The following LIFR variants were observed in gnomAD, a reference collection of about 807,000 sequenced individuals.
The protein encoded by LIFR is LIF receptor subunit alpha, also known as leukemia inhibitory factor receptor.
LIFR carries 84 observed loss-of-function variants against 122.2 expected under a neutral mutation model. The observed-to-expected ratio is 0.69, with a 90% CI of 0.58 to 0.82. The LOEUF (loss-of-function observed/expected upper bound fraction) is 0.82, where lower values mean the gene tolerates loss of function less well. LIFR is among the 40% of genes least tolerant of loss of function. The pLI is 0.00. For missense variants in LIFR, 1,294 were observed against 1,311.6 expected (o/e 0.99, Z 0.21); for synonymous variants, 422 against 434.7 (o/e 0.97, Z 0.36).
intron 1 of LIFR, among the ~76,000 whole-genome samples, chr5:38,544,184 A>C (rs1018100236): frequency 6.6e-6 from 1 of 152,092 alleles, no homozygotes; most frequent in African/African-American, 2.4e-5. Context: ...GAGCCTCTGA[A>C]GTGGTCCTCT....
At chr5:38,489,616 T>C (rs1744465843) in intron 15 of LIFR, among the ~76,000 whole-genome samples, 1 of 152,182 alleles carries the variant, frequency 6.6e-6, no homozygotes, top group Non-Finnish European at 1.5e-5. Flanking sequence ...AAGTACTAAT[T>C]AAATATTTTT....
intron 1 of LIFR, among the ~76,000 whole-genome samples, chr5:38,548,322 A>T (rs1161504561): frequency 6.6e-6 from 1 of 152,238 alleles, no homozygotes; most frequent in Non-Finnish European, 1.5e-5. Flanking sequence ...GAAATAACCT[A>T]GTATGTTCCT....
intron 1 of LIFR, among the ~76,000 whole-genome samples, chr5:38,553,668 A>ATATATT (rs1748360076): frequency 8.9e-6 from 1 of 111,766 alleles, no homozygotes; most frequent in Non-Finnish European, 1.8e-5. Context: ...ATATATATAT[A>ATATATT]TATATTATAT....
At chr5:38,504,213 G>T in intron 9 of LIFR, 92 bp from the exon 10 acceptor site, 1 of 923,892 alleles carries the variant, frequency 1.1e-6, no homozygotes. Context: ...AAAAAACAAC[G>T]AGGCATCATT....
At chr5:38,559,740 A>G (rs1052249564), upstream of LIFR, among the ~76,000 whole-genome samples, 7 of 152,244 alleles carry the variant, frequency 4.6e-5, no homozygotes, top group Non-Finnish European at 8.8e-5. Flanking sequence ...ATTGAATGGG[A>G]CTGAAGTAGC....
At position 38,510,640 on chromosome 5, in the gene LIFR, A is replaced by T. The variant is rs536077939; in HGVS notation, c.815T>A (p.Val272Glu). ...TGCTGATAACACTTTTTCTTGACTC[A>T]CACAACAAAATGTTATGTCTGAGCC... is the stretch of plus-strand genomic sequence containing the variant. ...LVGSDITFCCVSQEKVLSALI... is the reference protein window; with the variant it reads ...LVGSDITFCCESQEKVLSALI... The change falls in exon 7 of 20, where the codon GTG (valine) becomes GAG (glutamate). Residue 272 changes from valine to glutamate, a missense_variant. Coordinates refer to ENST00000453190, the MANE Select transcript of LIFR (RefSeq NM_001127671.2). 6.2e-7 allele frequency: 1 copy of T among 1,614,024 alleles called. No individual in the cohort carries two copies. Among genetic ancestry groups the T allele is most frequent in the African/African-American group, 1.3e-5 (1 of 75,046 alleles).
chr5:38,495,317 A>G (rs1744820189), intron 13 of LIFR, among the ~76,000 whole-genome samples: 1 of 152,202 alleles, frequency 6.6e-6, no homozygotes, highest in Non-Finnish European at 1.5e-5. Flanking sequence ...TCAGTATGTT[A>G]TCTTCTTATG....
intron 2 of LIFR, among the ~76,000 whole-genome samples, chr5:38,603,587 C>T (rs186762541): frequency 9.9e-5 from 15 of 152,254 alleles, no homozygotes; most frequent in African/African-American, 2.9e-4. Flanking sequence ...GGTAGAGATG[C>T]GCCCAGACAA....
chr5:38,482,161 C>T lies in LIFR; in HGVS notation c.2728G>A (p.Val910Ile). Residue 910 changes from valine to isoleucine, a missense_variant, in exon 20 of 20, where the codon GTT becomes ATT. Physicochemically the swap from Val to Ile is conservative, Grantham distance 29 (BLOSUM62 3). Transcript: ENST00000453190. ...GGAAATGCTGATCGAGTTTCCAGAA[C>T]CTCAACATTATTTGGGGTACAAGGA... ...MNPCTPNNVEVLETRSAFPKI... is the reference protein window; with the variant it reads ...MNPCTPNNVEILETRSAFPKI... The T allele has an allele frequency of 6.3e-7, 1 of 1,587,306 alleles. No individual in the cohort carries two copies. The highest frequency in any genetic ancestry group is 8.5e-7 in the Non-Finnish European group (1 of 1,172,422).
At chr5:38,583,458 A>G (rs775440546) in intron 1 of LIFR, among the ~76,000 whole-genome samples, 3 of 152,180 alleles carry the variant, frequency 2.0e-5, no homozygotes, top group Non-Finnish European at 4.4e-5. Context: ...AAATGAGACT[A>G]CAACAAACTA....
Position 38,506,495 on chromosome 5 carries a change from A to G in LIFR, c.1121+8T>C, listed in dbSNP as rs3730267. 1.7e-5 allele frequency: 28 copies of G among 1,614,048 alleles called. No individual in the cohort carries two copies. The highest frequency in any genetic ancestry group is 2.4e-5 in the Non-Finnish European group (28 of 1,179,942). On this transcript the variant is annotated splice_region_variant and intron_variant, in intron 8 of 19. Transcript: ENST00000453190. ...TGCCATCTGACATCTTTTCCCAGTT[A>G]TCATTACCTTTCAACTAAAGTGTAG...
rs370910977 is a variant in LIFR at position 38,496,374 on chromosome 5, G to C, written c.1885+8C>G. The C allele has an allele frequency of 1.3e-6, 2 of 1,597,476 alleles. No homozygotes were observed. The highest frequency in any genetic ancestry group is 1.7e-6 in the Non-Finnish European group (2 of 1,165,006). ...GTTCTTATATACTAAATCATCTCAA[G>C]CACTCACCATTTGGAATTTCCATAC... On this transcript the variant is annotated splice_region_variant and intron_variant, in intron 13 of 19. Transcript: ENST00000453190.
intron 7 of LIFR, 99 bp downstream of exon 7, chr5:38,510,365 G>T: frequency 9.2e-7 from 1 of 1,084,260 alleles, no homozygotes; most frequent in Non-Finnish European, 1.4e-6. Context: ...GAAAGAAACA[G>T]AATCACTCCT....
chr5:38,483,194 GA>G (rs1344291073), intron 18 of LIFR, among the ~76,000 whole-genome samples: 1 of 152,130 alleles, frequency 6.6e-6, no homozygotes, highest in African/African-American at 2.4e-5. Flanking sequence ...GCTGTGCTAA[GA>G]AAAAGGCTAT....
Position 38,478,413 on chromosome 5 carries a change from C to T in LIFR, c.*3182G>A, listed in dbSNP as rs758192947. On this transcript the variant is annotated 3_prime_UTR_variant, in exon 20 of 20. Coordinates refer to ENST00000453190, the MANE Select transcript of LIFR (RefSeq NM_001127671.2). ...TTTCTAAGCTGCAGGAACAAAGCAC[C>T]TCTATCATATAAGCACATAAACACA... The T allele has an allele frequency of 1.1e-4, 24 of 210,682 alleles. No homozygotes were observed. The highest frequency in any genetic ancestry group is 3.8e-4 in the South Asian group (2 of 5,312). The allele number at this position is 210,682 out of a possible 1,614,324, so 13.1% of individuals were successfully genotyped here.
At chr5:38,593,603 G>A (rs1750002493) in intron 1 of LIFR, among the ~76,000 whole-genome samples, 1 of 152,122 alleles carries the variant, frequency 6.6e-6, no homozygotes, top group Admixed American at 6.5e-5. Flanking sequence ...GTAGATGAGA[G>A]GGGCACATAA....
At chr5:38,568,080 AATTATGTGCCTGACCAGGG>A (rs1749087089) in intron 1 of LIFR, among the ~76,000 whole-genome samples, 2 of 152,186 alleles carry the variant, frequency 1.3e-5, no homozygotes, top group African/African-American at 2.4e-5. Context: ...CTTATGTACA[AATTATGTGCCTGACCAGGG>A]ATATAACAGT....
rs932577983 is a variant in LIFR at position 38,478,422 on chromosome 5, A to G, written c.*3173T>C. 2 of 211,062 alleles carry G rather than the reference A, an allele frequency of 9.5e-6. No homozygotes were observed. Among genetic ancestry groups the G allele is most frequent in the African/African-American group, 2.3e-5 (1 of 44,074 alleles). The allele number at this position is 211,062 out of a possible 1,614,324, so 13.1% of individuals were successfully genotyped here. Reference sequence around the variant, plus strand: ...TGCAGGAACAAAGCACCTCTATCATATAAGCACATAAACACACAACTCAAC... The same window carrying G: ...TGCAGGAACAAAGCACCTCTATCATGTAAGCACATAAACACACAACTCAAC... On this transcript the variant is annotated 3_prime_UTR_variant, in exon 20 of 20. Coordinates refer to ENST00000453190, the MANE Select transcript of LIFR (RefSeq NM_001127671.2).
chr5:38,572,626 TG>T (rs1749251907), intron 1 of LIFR, among the ~76,000 whole-genome samples: 1 of 152,170 alleles, frequency 6.6e-6, no homozygotes, highest in Admixed American at 6.5e-5. Flanking sequence ...TGTGCGGGCC[TG>T]AAGGGGGGTC....
Sources: gnomAD v4.1 joint callset for allele counts (sites outside exome capture counted in the v4.1 genomes callset) on GRCh38, gnomAD v4.1.1 for gene constraint, MANE v1.5 for transcripts, NCBI Gene and HGNC (gene_info 2026-07-23, HGNC 2026-07-21) for gene names.